Variants in IQGAP2 observed in about 807,000 individuals in gnomAD.
The protein encoded by IQGAP2 is ras GTPase-activating-like protein IQGAP2.
IQGAP2 carries 173 observed loss-of-function variants against 201.3 expected under a neutral mutation model. That is an observed-to-expected ratio of 0.86 (90% CI 0.76 to 0.98). IQGAP2 has a LOEUF of 0.98. Among genes scored for constraint, IQGAP2 ranks in the 50% least tolerant of loss-of-function variants. The pLI is 0.00. For missense variants in IQGAP2, 1,687 were observed against 1,864.8 expected (o/e 0.90, Z 1.76); for synonymous variants, 675 against 673.9 (o/e 1.00, Z -0.03).
At chr5:76,539,741 G>A (rs770789025) in intron 2 of IQGAP2, among the ~76,000 whole-genome samples, 3 of 152,200 alleles carry the variant, frequency 2.0e-5, no homozygotes, top group Non-Finnish European at 4.4e-5. Context: ...AGGGGGCAGT[G>A]TCTGACCCTA....
At chr5:76,578,614 A>G (rs986998621) in intron 5 of IQGAP2, among the ~76,000 whole-genome samples, 1 of 152,156 alleles carries the variant, frequency 6.6e-6, no homozygotes, top group African/African-American at 2.4e-5. Context: ...GCCCGGCCAC[A>G]TCATTCTTTT....
At chr5:76,618,218 C>T in intron 13 of IQGAP2, 1 of 1,614,174 alleles carries the variant, frequency 6.2e-7, no homozygotes, top group Non-Finnish European at 8.5e-7. Context: ...GGCACAGGAC[C>T]TCTCCAAATA....
intron 4 of IQGAP2, among the ~76,000 whole-genome samples, chr5:76,571,184 T>C (rs1745092026): frequency 6.6e-6 from 1 of 152,022 alleles, no homozygotes; most frequent in South Asian, 2.1e-4. Flanking sequence ...TGTAAATTAT[T>C]GTTATTATTA....
intron 3 of IQGAP2, among the ~76,000 whole-genome samples, chr5:76,564,276 C>T (rs1450379031): frequency 6.6e-6 from 1 of 152,190 alleles, no homozygotes; most frequent in African/African-American, 2.4e-5. Flanking sequence ...TTTTAGACTA[C>T]AGCTTGTCTT....
intron 1 of IQGAP2, among the ~76,000 whole-genome samples, chr5:76,420,712 A>G (rs1176891858): frequency 1.3e-5 from 2 of 152,156 alleles, no homozygotes; most frequent in Non-Finnish European, 2.9e-5. Context: ...GAAACTCCAT[A>G]CACATTAAAT....
At chr5:76,665,462 C>T (rs752813892) in intron 22 of IQGAP2, among the ~76,000 whole-genome samples, 24 of 152,128 alleles carry the variant, frequency 1.6e-4, no homozygotes, top group Non-Finnish European at 3.4e-4. Context: ...GAAACGCAGG[C>T]AGTTTGACTT....
At chr5:76,582,930 T>G (rs140009333) in intron 5 of IQGAP2, among the ~76,000 whole-genome samples, 23 of 152,322 alleles carry the variant, frequency 1.5e-4, no homozygotes, top group African/African-American at 5.5e-4. Flanking sequence ...TAGCTACCTC[T>G]GGGCAACCCC....
intron 1 of IQGAP2, among the ~76,000 whole-genome samples, chr5:76,429,719 A>T (rs1230025593): frequency 6.6e-6 from 1 of 151,058 alleles, no homozygotes; most frequent in East Asian, 1.9e-4. Flanking sequence ...TGTGCTATTC[A>T]TAATTCTTTG....
At chr5:76,620,222 A>T (rs1330520939) in intron 13 of IQGAP2, among the ~76,000 whole-genome samples, 1 of 152,154 alleles carries the variant, frequency 6.6e-6, no homozygotes, top group Non-Finnish European at 1.5e-5. Context: ...AACAGATTGG[A>T]AAGGTAAGAA....
intron 29 of IQGAP2, 54 bp from the exon 30 acceptor site, chr5:76,683,722 G>A (rs951448023): frequency 2.0e-5 from 30 of 1,519,150 alleles, no homozygotes; most frequent in Non-Finnish European, 2.7e-5. Context: ...CATTGTTGGT[G>A]CCATCATCAC....
intron 21 of IQGAP2, among the ~76,000 whole-genome samples, chr5:76,663,161 G>A (rs184212780): frequency 1.3e-5 from 2 of 152,312 alleles, no homozygotes; most frequent in Non-Finnish European, 2.9e-5. Context: ...AAATGGGGGC[G>A]GGCCCATGTC....
intron 11 of IQGAP2, 96 bp downstream of exon 11, chr5:76,601,068 T>A: frequency 8.5e-7 from 1 of 1,174,306 alleles, no homozygotes; most frequent in Non-Finnish European, 1.2e-6. Context: ...GAAATCCATA[T>A]ACCATGCTCA....
chr5:76,600,913 G>C lies in IQGAP2; in HGVS notation c.1173G>C (p.Gln391His). 6.2e-7 allele frequency: 1 copy of C among 1,614,132 alleles called. No homozygotes were observed. The highest frequency in any genetic ancestry group is 1.1e-5 in the South Asian group (1 of 91,088). Residue 391 changes from glutamine to histidine, a missense_variant, in exon 11 of 36, where the codon CAG (glutamine) becomes CAC (histidine). Physicochemically the swap from Gln to His is conservative, Grantham distance 24 (BLOSUM62 0). Transcript: ENST00000274364. ...ALESNDLVSV[Q>H]NQLRSPAIGL... The stretch of plus-strand genomic sequence containing the variant: ...AAAGCAACGATCTTGTGTCTGTGCA[G>C]AATCAACTCAGAAGCCCCGCAATAG...
At chr5:76,506,206 T>C (rs950422821) in intron 2 of IQGAP2, among the ~76,000 whole-genome samples, 3 of 152,276 alleles carry the variant, frequency 2.0e-5, no homozygotes, top group East Asian at 1.9e-4. Flanking sequence ...GGTCAAACAT[T>C]GTACAGAAAG....
intron 15 of IQGAP2, among the ~76,000 whole-genome samples, chr5:76,636,092 C>A (rs1580684292): frequency 6.6e-6 from 1 of 152,118 alleles, no homozygotes; most frequent in Non-Finnish European, 1.5e-5. Context: ...TATTAAAGAG[C>A]CTTAAAGTTA....
rs1753596370 is a variant in IQGAP2 at position 76,449,420 on chromosome 5, G to A, written c.47-12150G>A. Among the ~76,000 whole-genome samples, 4 of 152,030 alleles carry A rather than the reference G, an allele frequency of 2.6e-5. No homozygotes were observed. In the South Asian group the frequency reaches 8.3e-4, roughly 32 times the overall value. On this transcript the variant is annotated intron_variant, in intron 1 of 35. Transcript: ENST00000274364. ...ATAACTTTTCTCCAGCTGTTAAATG[G>A]GTCTTCTCCTGTTAGATTGTAAACT...
rs1189043401 is a variant in IQGAP2 at position 76,573,025 on chromosome 5, G to A, written c.381+2368G>A. 2.6e-5 allele frequency among the ~76,000 whole-genome samples: 4 copies of A among 152,142 alleles called. No homozygotes were observed. In the East Asian group the frequency reaches 5.8e-4, roughly 22 times the overall value. On this transcript the variant is annotated intron_variant, in intron 4 of 35. Coordinates refer to ENST00000274364, the MANE Select transcript of IQGAP2 (RefSeq NM_006633.5). ...TCTCTTCTCCTAAAATGCCCAGAAC[G>A]TTAAATGCTGTTTCCTTCTAGGAAC...
intron 2 of IQGAP2, among the ~76,000 whole-genome samples, chr5:76,494,237 A>C (rs1162152887): frequency 6.6e-6 from 1 of 152,216 alleles, no homozygotes; most frequent in Admixed American, 6.5e-5. Context: ...TGAAATTCTT[A>C]GAGCAGAGTT....
At chr5:76,464,063 G>C (rs541066040) in intron 2 of IQGAP2, among the ~76,000 whole-genome samples, 1 of 151,984 alleles carries the variant, frequency 6.6e-6, no homozygotes, top group Non-Finnish European at 1.5e-5. Context: ...AGCCAGGCTG[G>C]TCTCGAACTC....
Sources: allele counts gnomAD v4.1 joint callset (sites outside exome capture counted in the v4.1 genomes callset), GRCh38; gene constraint gnomAD v4.1.1; transcripts MANE v1.5; gene names NCBI Gene and HGNC (gene_info 2026-07-23, HGNC 2026-07-21).